The following ZYG11A variants were observed in gnomAD, a reference collection of about 807,000 sequenced individuals.
ZYG11A encodes protein zyg-11 homolog A.
In ZYG11A, 62 loss-of-function variants were observed where a neutral mutation model predicts 77.2. The observed-to-expected ratio is 0.80, with a 90% confidence interval of 0.65 to 0.99. The LOEUF (loss-of-function observed/expected upper bound fraction) is 0.99. ZYG11A is among the 50% of genes least tolerant of loss of function. ZYG11A has a pLI of 0.00. For missense variants in ZYG11A, 828 were observed against 896.8 expected (o/e 0.92, Z 0.98); for synonymous variants, 315 against 324.6 (o/e 0.97, Z 0.32).
chr1:52,846,310 TTATATATATATA>T lies in ZYG11A; in HGVS notation c.90+3383_90+3394del, dbSNP rs869093943. Among the ~76,000 whole-genome samples the T allele has an allele frequency of 8.0e-3, 286 of 35,660 alleles. 4 individuals are homozygous for T. Among genetic ancestry groups the T allele is most frequent in the Admixed American group, 0.014 (49 of 3,612 alleles). 23.4% of individuals were successfully genotyped at this position (35,660 alleles called of 152,430 possible). On this transcript the variant is annotated intron_variant, in intron 1 of 13. Transcript: ENST00000371528. ...TTGGAAATCATGGCTTTTTAAATTT[TTATATATATATA>T]TATATATATATATATATATATATAT...
At position 52,864,157 on chromosome 1, in the gene ZYG11A, G is replaced by A. The variant is rs1265057138; in HGVS notation, c.1326G>A (p.Gln442=). The A allele has an allele frequency of 3.2e-6, 5 of 1,550,926 alleles. No individual in the cohort carries two copies. The South Asian group carries it at 6.0e-5, about 19-fold the overall frequency. ...TGAAAAATTTCCCCCATTACCAGCAGGTAATTTCAATTGAATATTTGTTTG... is the reference window on the plus strand; with the variant it reads ...TGAAAAATTTCCCCCATTACCAGCAAGTAATTTCAATTGAATATTTGTTTG... ...KALKNFPHYQ[Q]LQKNCLLSLT... The change falls in exon 5 of 14, where the codon CAG becomes CAA. Residue 442 remains glutamine (Q), a splice_region_variant and synonymous_variant. Coordinates refer to ENST00000371528, the MANE Select transcript of ZYG11A (RefSeq NM_001004339.3).
intron 11 of ZYG11A, among the ~76,000 whole-genome samples, chr1:52,884,173 C>T (rs1369817161): frequency 6.6e-6 from 1 of 151,736 alleles, no homozygotes; most frequent in East Asian, 1.9e-4. Flanking sequence ...AGGCACTGCA[C>T]CCGGCCAATA....
At chr1:52,855,600 T>A (rs1645795834) in intron 2 of ZYG11A, among the ~76,000 whole-genome samples, 1 of 152,228 alleles carries the variant, frequency 6.6e-6, no homozygotes, top group African/African-American at 2.4e-5. Flanking sequence ...CAACCACAAG[T>A]CTACTTTCCA....
Position 52,853,395 on chromosome 1 carries a change from G to A in ZYG11A, c.91-1070G>A, listed in dbSNP as rs573411249. Reference sequence around the variant, plus strand: ...GTATCACTGTTTGAGGTTGTGAACAGTTTTGAGAATAGACACATGATAATC... The same window carrying A: ...GTATCACTGTTTGAGGTTGTGAACAATTTTGAGAATAGACACATGATAATC... On this transcript the variant is annotated intron_variant, in intron 1 of 13. Coordinates refer to ENST00000371528, the MANE Select transcript of ZYG11A (RefSeq NM_001004339.3). 3.3e-5 allele frequency among the ~76,000 whole-genome samples: 5 copies of A among 152,284 alleles called. No homozygotes were observed. The South Asian group carries it at 6.2e-4, about 19-fold the overall frequency.
intron 13 of ZYG11A, among the ~76,000 whole-genome samples, chr1:52,890,428 G>A (rs932396266): frequency 6.6e-6 from 1 of 150,646 alleles, no homozygotes. Flanking sequence ...AGTAGAAACC[G>A]GGTTTCATCA....
At chr1:52,854,705 T>TAGAA in intron 2 of ZYG11A, 75 bp downstream of exon 2, 3 of 1,288,464 alleles carry the variant, frequency 2.3e-6, no homozygotes, top group Non-Finnish European at 2.1e-6. Flanking sequence ...ACACAATTTC[T>TAGAA]ATTGTGATTC....
intron 1 of ZYG11A, among the ~76,000 whole-genome samples, chr1:52,846,313 TATATATATATATATATATATATA>T (rs1645579234): frequency 1.2e-3 from 2 of 1,706 alleles, no homozygotes; most frequent in Non-Finnish European, 3.6e-3. Flanking sequence ...TAAATTTTTA[TATATATATATATATATATATATA>T]TATATATATA....
intron 5 of ZYG11A, among the ~76,000 whole-genome samples, chr1:52,866,285 T>C (rs1646026252): frequency 6.6e-6 from 1 of 152,156 alleles, no homozygotes; most frequent in Non-Finnish European, 1.5e-5. Flanking sequence ...GTTTTCCTCA[T>C]TTATTTCTAC....
chr1:52,851,438 C>T (rs1363606205), intron 1 of ZYG11A, among the ~76,000 whole-genome samples: 2 of 152,014 alleles, frequency 1.3e-5, no homozygotes, highest in African/African-American at 4.8e-5. Context: ...CACTCTGTCA[C>T]CCAGGCTGGA....
rs1646528334 is a variant in ZYG11A, at chr1:52,890,567, C to T, written c.2105-2215C>T. Among the ~76,000 whole-genome samples, 2 of 151,306 alleles carry T rather than the reference C, an allele frequency of 1.3e-5. 1 individual carries two copies. Among genetic ancestry groups the T allele is most frequent in the African/African-American group, 4.9e-5 (2 of 40,980 alleles). On this transcript the variant is annotated intron_variant, in intron 13 of 13. Coordinates refer to ENST00000371528, the MANE Select transcript of ZYG11A (RefSeq NM_001004339.3). Reference sequence around the variant, plus strand: ...TATTTTCTATTGTTGCTGTTGGGGTCTACTGTCAGCCTAATTATCATTTCT... The same window carrying T: ...TATTTTCTATTGTTGCTGTTGGGGTTTACTGTCAGCCTAATTATCATTTCT...
Position 52,874,432 on chromosome 1 carries a change from G to T in ZYG11A, c.1543-3250G>T, listed in dbSNP as rs553999596. Among the ~76,000 whole-genome samples, 16 of 149,618 alleles carry T rather than the reference G, an allele frequency of 1.1e-4. No homozygotes were observed. In the East Asian group the frequency reaches 2.3e-3, roughly 22 times the overall value. ...GATAATTTTTTACATTTTTTTTTTT[G>T]ATAGAGACAGAGTCTAGCCGTGTCA... On this transcript the variant is annotated intron_variant, in intron 8 of 13. Transcript: ENST00000371528.
intron 8 of ZYG11A, among the ~76,000 whole-genome samples, chr1:52,869,855 C>T (rs528598049): frequency 1.3e-3 from 195 of 145,158 alleles, no homozygotes; most frequent in Non-Finnish European, 2.3e-3. Context: ...CCGGACGGGA[C>T]GGCTGACCCC....
chr1:52,887,593 T>C (rs1040035458), intron 13 of ZYG11A, among the ~76,000 whole-genome samples: 10 of 151,824 alleles, frequency 6.6e-5, no homozygotes, highest in African/African-American at 1.2e-4. Context: ...AAAATCCCTT[T>C]TGAGGCCAGG....
intron 5 of ZYG11A, among the ~76,000 whole-genome samples, chr1:52,865,254 C>A (rs990004998): frequency 6.6e-6 from 1 of 152,028 alleles, no homozygotes; most frequent in South Asian, 2.1e-4. Flanking sequence ...TCCCCCACAA[C>A]ACACATTTTT....
chr1:52,889,090 G>C (rs1489886659), intron 13 of ZYG11A, among the ~76,000 whole-genome samples: 1 of 152,132 alleles, frequency 6.6e-6, no homozygotes, highest in East Asian at 1.9e-4. Flanking sequence ...ACAACTAGAA[G>C]GGTAAGCATC....
At chr1:52,861,336 C>T (rs1380935056) in intron 4 of ZYG11A, among the ~76,000 whole-genome samples, 1 of 152,104 alleles carries the variant, frequency 6.6e-6, no homozygotes, top group Non-Finnish European at 1.5e-5. Flanking sequence ...TTCTTTTATA[C>T]ATGTGTTTAT....
intron 4 of ZYG11A, among the ~76,000 whole-genome samples, chr1:52,862,825 C>G (rs1645956176): frequency 6.6e-6 from 1 of 152,154 alleles, no homozygotes; most frequent in Non-Finnish European, 1.5e-5. Flanking sequence ...GTTGCCCAGG[C>G]TGGAGTGCAG....
intron 3 of ZYG11A, 82 bp downstream of exon 3, chr1:52,857,831 G>GT: frequency 8.2e-7 from 1 of 1,220,036 alleles, no homozygotes; most frequent in Non-Finnish European, 1.1e-6. Context: ...TTTTTACTAG[G>GT]TATTAGGGTT....
chr1:52,885,726 C>A, intron 11 of ZYG11A, 107 bp from the exon 12 acceptor site: 1 of 756,826 alleles, frequency 1.3e-6, no homozygotes, highest in South Asian at 1.9e-5. Context: ...GATATTTTGC[C>A]AAGTAGATGT....
Sources: gnomAD v4.1 joint callset for allele counts (sites outside exome capture counted in the v4.1 genomes callset) on GRCh38, gnomAD v4.1.1 for gene constraint, MANE v1.5 for transcripts, NCBI Gene and HGNC (gene_info 2026-07-23, HGNC 2026-07-21) for gene names.